The following MCTP1 variants were observed in gnomAD, a reference collection of about 807,000 sequenced individuals.
MCTP1 encodes multiple C2 and transmembrane domain containing 1.
A neutral mutation model predicts 120.6 loss-of-function variants in MCTP1; 69 were observed. The observed-to-expected ratio is 0.57, with a 90% CI of 0.47 to 0.70. The LOEUF is 0.70. MCTP1 is among the 30% of genes least tolerant of loss of function. The pLI is 0.00. For missense variants in MCTP1, 1,203 were observed against 1,248.8 expected (o/e 0.96, Z 0.55); for synonymous variants, 529 against 493.1 (o/e 1.07, Z -0.96).
intron 19 of MCTP1, among the ~76,000 whole-genome samples, chr5:94,724,200 A>T (rs1276753546): frequency 1.3e-5 from 2 of 152,168 alleles, no homozygotes; most frequent in East Asian, 3.9e-4. Context: ...ATACAGATGG[A>T]CTTGTTGTCA....
intron 17 of MCTP1, among the ~76,000 whole-genome samples, chr5:94,853,589 C>T (rs1011576047): frequency 7.9e-5 from 12 of 151,864 alleles, no homozygotes; most frequent in Non-Finnish European, 1.3e-4. Context: ...AAATTCTCAT[C>T]CAGGTTGTTT....
intron 1 of MCTP1, among the ~76,000 whole-genome samples, chr5:95,263,371 C>G (rs142593188): frequency 1.0e-3 from 156 of 152,270 alleles, no homozygotes; most frequent in African/African-American, 3.6e-3. Flanking sequence ...CTCATGCCTC[C>G]CTTCCCATGC....
chr5:94,756,649 T>A (rs1012516037), intron 19 of MCTP1, among the ~76,000 whole-genome samples: 2 of 152,108 alleles, frequency 1.3e-5, no homozygotes, highest in African/African-American at 4.8e-5. Context: ...AGAGGGGAGA[T>A]GACAAAGATG....
intron 6 of MCTP1, among the ~76,000 whole-genome samples, chr5:94,926,960 A>T (rs181510736): frequency 1.1e-3 from 160 of 152,336 alleles, no homozygotes; most frequent in African/African-American, 3.8e-3. Flanking sequence ...ACTCATCCAG[A>T]TCTGCTCCAG....
At chr5:94,767,173 A>G (rs930385408) in intron 19 of MCTP1, among the ~76,000 whole-genome samples, 1 of 152,230 alleles carries the variant, frequency 6.6e-6, no homozygotes, top group Non-Finnish European at 1.5e-5. Flanking sequence ...AAACCATATC[A>G]TAATCTCAAT....
chr5:95,015,459 T>G (rs1217272698), intron 2 of MCTP1, among the ~76,000 whole-genome samples: 2 of 152,092 alleles, frequency 1.3e-5, no homozygotes, highest in Non-Finnish European at 2.9e-5. Flanking sequence ...TCTTCATCCC[T>G]TTTACCCCAT....
At position 95,014,129 on chromosome 5, in the gene MCTP1, C is replaced by T. The variant is rs147308916; in HGVS notation, c.838+3238G>A. 6.0e-3 allele frequency among the ~76,000 whole-genome samples: 906 copies of T among 152,032 alleles called. 9 individuals carry two copies. Among genetic ancestry groups the T allele is most frequent in the African/African-American group, 0.021 (853 of 41,524 alleles). Reference sequence around the variant, plus strand: ...AAAGAAAAAAAATAGCCGGGCATGGCGACACAAACTTGTAGTCCTAGCTAC... The same window carrying T: ...AAAGAAAAAAAATAGCCGGGCATGGTGACACAAACTTGTAGTCCTAGCTAC... On this transcript the variant is annotated intron_variant, in intron 2 of 22. Transcript: ENST00000515393.
At chr5:94,782,854 T>G (rs552417920) in intron 18 of MCTP1, among the ~76,000 whole-genome samples, 1 of 152,266 alleles carries the variant, frequency 6.6e-6, no homozygotes, top group African/African-American at 2.4e-5. Context: ...CGAAAAATCA[T>G]GTAGTAGAAA....
chr5:95,205,714 A>G (rs1751547922), intron 1 of MCTP1, among the ~76,000 whole-genome samples: 2 of 152,194 alleles, frequency 1.3e-5, no homozygotes, highest in East Asian at 1.9e-4. Context: ...CAATTTAAAA[A>G]TGGGCAAAGG....
intron 1 of MCTP1, among the ~76,000 whole-genome samples, chr5:95,144,114 G>C (rs1562179159): frequency 1.3e-5 from 2 of 152,262 alleles, no homozygotes; most frequent in South Asian, 2.1e-4. Context: ...ACTGGTGTGA[G>C]TTGGTATCTC....
At chr5:94,956,831 T>G (rs1822752482) in intron 2 of MCTP1, among the ~76,000 whole-genome samples, 1 of 152,096 alleles carries the variant, frequency 6.6e-6, no homozygotes, top group African/African-American at 2.4e-5. Flanking sequence ...TGGAACCAAG[T>G]TGAAAAATAC....
rs544109001 is a variant in MCTP1 at position 94,822,972 on chromosome 5, G to T, written c.2437-23840C>A. Reference sequence around the variant, plus strand: ...TAGCCCTTTGTCAGATGGATAGATTGCAAACTTTTCTCCCACTCTGTAGGT... The same window carrying T: ...TAGCCCTTTGTCAGATGGATAGATTTCAAACTTTTCTCCCACTCTGTAGGT... On this transcript the variant is annotated intron_variant, in intron 17 of 22. Transcript: ENST00000515393. 3.8e-4 allele frequency among the ~76,000 whole-genome samples: 58 copies of T among 152,218 alleles called. 2 individuals carry two copies. In the South Asian group the frequency reaches 0.012, roughly 31 times the overall value.
At chr5:95,208,829 C>T (rs73776316) in intron 1 of MCTP1, among the ~76,000 whole-genome samples, 1 of 152,122 alleles carries the variant, frequency 6.6e-6, no homozygotes, top group African/African-American at 2.4e-5. Flanking sequence ...TCTTGAAAGT[C>T]ACCAATGATC....
chr5:95,268,929 G>A (rs1038217957), intron 1 of MCTP1, among the ~76,000 whole-genome samples: 2 of 152,190 alleles, frequency 1.3e-5, no homozygotes, highest in African/African-American at 2.4e-5. Flanking sequence ...AGCAGACCTA[G>A]CAGCTTTTCA....
intron 1 of MCTP1, among the ~76,000 whole-genome samples, chr5:95,185,293 C>T (rs910015949): frequency 1.2e-4 from 19 of 152,180 alleles, no homozygotes; most frequent in African/African-American, 2.2e-4. Context: ...AAATCCTCAA[C>T]AAAACATTAG....
chr5:94,852,037 GT>G (rs1793845908), intron 17 of MCTP1, among the ~76,000 whole-genome samples: 1 of 151,610 alleles, frequency 6.6e-6, no homozygotes, highest in South Asian at 2.1e-4. Flanking sequence ...CATAGAAATG[GT>G]TCTCTATAAT....
chr5:95,161,847 T>C (rs1745777417), intron 1 of MCTP1, among the ~76,000 whole-genome samples: 1 of 152,178 alleles, frequency 6.6e-6, no homozygotes, highest in Non-Finnish European at 1.5e-5. Context: ...GCACAGCCTG[T>C]GCTCTGCTAA....
intron 2 of MCTP1, among the ~76,000 whole-genome samples, chr5:95,013,522 G>T (rs1021907121): frequency 2.0e-5 from 3 of 152,072 alleles, no homozygotes; most frequent in Non-Finnish European, 2.9e-5. Flanking sequence ...TGATGCCAAT[G>T]CTCATTTACC....
chr5:94,972,460 G>T (rs1827122164), intron 2 of MCTP1, among the ~76,000 whole-genome samples: 1 of 152,036 alleles, frequency 6.6e-6, no homozygotes, highest in African/African-American at 2.4e-5. Context: ...CAAGCAACAG[G>T]TGTGGCCATG....
Sources: gnomAD v4.1 joint callset for allele counts (sites outside exome capture counted in the v4.1 genomes callset) on GRCh38, gnomAD v4.1.1 for gene constraint, MANE v1.5 for transcripts, NCBI Gene and HGNC (gene_info 2026-07-23, HGNC 2026-07-21) for gene names.